The following GDAP2 variants were observed in gnomAD, a reference collection of about 807,000 sequenced individuals.
GDAP2 encodes the protein ganglioside-induced differentiation-associated protein 2.
In GDAP2, 51 loss-of-function variants were observed where a neutral mutation model predicts 67.0. That is an observed-to-expected ratio of 0.76 (90% CI 0.61 to 0.96). The LOEUF (loss-of-function observed/expected upper bound fraction) is 0.96. Ranked by LOEUF, GDAP2 falls within the 40% of genes least tolerant of loss-of-function variation. The pLI is 0.00. For synonymous variants in GDAP2, 203 were observed against 207.3 expected (o/e 0.98, Z 0.18); for missense variants, 547 against 588.3 (o/e 0.93, Z 0.73).
chr1:117,917,338 C>T (rs1417681190), intron 3 of GDAP2, among the ~76,000 whole-genome samples: 2 of 152,144 alleles, frequency 1.3e-5, no homozygotes, highest in African/African-American at 4.8e-5. Flanking sequence ...ATTAAGTATG[C>T]AGCCCTTTAG....
chr1:117,899,887 C>A (rs1303192270), intron 6 of GDAP2, among the ~76,000 whole-genome samples: 1 of 151,950 alleles, frequency 6.6e-6, no homozygotes, highest in Non-Finnish European at 1.5e-5. Context: ...ACAAACTATA[C>A]TAAAAAAGAC....
rs1272776504 is a variant in GDAP2, at chr1:117,869,740, CAAAATCATTCATG to C, written c.*816_*828del. ...AGAGGTAGTAGACCTGATAGCTAAA[CAAAATCATTCATG>C]ACTCTGGAAGACAACACACTCTCTA... On this transcript the variant is annotated 3_prime_UTR_variant, in exon 14 of 14. Transcript: ENST00000369443. 1.3e-5 allele frequency: 2 copies of C among 152,654 alleles called. No individual in the cohort carries two copies. Among genetic ancestry groups the C allele is most frequent in the African/African-American group, 4.8e-5 (2 of 41,458 alleles). 9.5% of individuals were successfully genotyped at this position (152,654 alleles called of 1,614,324 possible).
Position 117,878,038 on chromosome 1 carries a change from G to GAAAGTC in GDAP2, c.1411_1416dup (p.Asp471_Phe472dup), listed in dbSNP as rs1365323502. 1 of 1,612,638 alleles carries GAAAGTC rather than the reference G, an allele frequency of 6.2e-7. No homozygotes were observed. Among genetic ancestry groups the GAAAGTC allele is most frequent in the African/African-American group, 1.3e-5 (1 of 74,872 alleles). ...GCATCATATTCAAGGACAAAAGGAG[G>GAAAGTC]AAAGTCAATCTGTTCTGGTGATATG... On this transcript the variant is annotated inframe_insertion, in exon 13 of 14. Coordinates refer to ENST00000369443, the MANE Select transcript of GDAP2 (RefSeq NM_017686.4).
rs375571762 is a variant in GDAP2, at chr1:117,885,809, T to C, written c.1107+768A>G. Among the ~76,000 whole-genome samples, 41 of 152,304 alleles carry C rather than the reference T, an allele frequency of 2.7e-4. No individual in the cohort carries two copies. In the East Asian group the frequency reaches 3.7e-3, roughly 14 times the overall value. On this transcript the variant is annotated intron_variant, in intron 10 of 13. Transcript: ENST00000369443. ...TACTGATCAGTTAAAGTTATCATCC[T>C]TTGAAGTCAGTTCCTAACAAAACTG... is the stretch of plus-strand genomic sequence containing the variant.
At chr1:117,919,990 G>A (rs1458341809) in intron 2 of GDAP2, among the ~76,000 whole-genome samples, 192 bp downstream of exon 2, 1 of 152,132 alleles carries the variant, frequency 6.6e-6, no homozygotes, top group Non-Finnish European at 1.5e-5. Context: ...CTTCAAGGAT[G>A]TATTAACAGA....
intron 7 of GDAP2, 52 bp from the exon 8 acceptor site, chr1:117,897,041 T>C (rs747134059): frequency 4.6e-6 from 6 of 1,314,304 alleles, no homozygotes; most frequent in Admixed American, 2.2e-5. Context: ...AACTAGATAG[T>C]AAACATTGTG....
At chr1:117,927,968 G>GT (rs1650513413) in intron 1 of GDAP2, among the ~76,000 whole-genome samples, 1 of 152,140 alleles carries the variant, frequency 6.6e-6, no homozygotes, top group Admixed American at 6.5e-5. Flanking sequence ...AAGGAATTTT[G>GT]TAAGATGCAT....
In GDAP2 at chr1:117,865,032, T is replaced by C. The variant is rs763199151; in HGVS notation, c.*5537A>G. 4 of 152,204 alleles carry C rather than the reference T, an allele frequency of 2.6e-5. No individual in the cohort carries two copies. Among genetic ancestry groups the C allele is most frequent in the Non-Finnish European group, 5.9e-5 (4 of 68,032 alleles). 9.4% of individuals were successfully genotyped at this position (152,204 alleles called of 1,614,324 possible). ...AGGAGAATTGATAACACCTAAGAGC[T>C]TGTTAGAAACTGATAATCCCAGAGG... On this transcript the variant is annotated 3_prime_UTR_variant, in exon 14 of 14. Coordinates refer to ENST00000369443, the MANE Select transcript of GDAP2 (RefSeq NM_017686.4).
intron 5 of GDAP2, among the ~76,000 whole-genome samples, chr1:117,908,026 C>A (rs929385839): frequency 3.3e-5 from 5 of 151,950 alleles, no homozygotes; most frequent in African/African-American, 9.7e-5. Flanking sequence ...TCAAAACATA[C>A]CACTTACTTT....
intron 12 of GDAP2, among the ~76,000 whole-genome samples, chr1:117,879,993 C>G (rs1193506178): frequency 6.6e-6 from 1 of 152,084 alleles, no homozygotes; most frequent in African/African-American, 2.4e-5. Context: ...GCCTTGGCAA[C>G]AGGGCAAGAC....
chr1:117,872,086 A>C (rs1042626924), intron 13 of GDAP2, among the ~76,000 whole-genome samples: 2 of 152,240 alleles, frequency 1.3e-5, no homozygotes, highest in Admixed American at 1.3e-4. Context: ...CATATTAAAA[A>C]AACAGCTCAA....
chr1:117,881,205 G>A lies in GDAP2; in HGVS notation c.1302+618C>T, dbSNP rs542550310. On this transcript the variant is annotated intron_variant, in intron 12 of 13. Coordinates refer to ENST00000369443, the MANE Select transcript of GDAP2 (RefSeq NM_017686.4). ...AAATGTCAGTTTTTAGCTTGATAGAGAAGAAAATAAGGGCAAGATGATATT... is the reference window on the plus strand; with the variant it reads ...AAATGTCAGTTTTTAGCTTGATAGAAAAGAAAATAAGGGCAAGATGATATT... Among the ~76,000 whole-genome samples, 5 of 152,192 alleles carry A rather than the reference G, an allele frequency of 3.3e-5. No individual in the cohort carries two copies. The South Asian group carries it at 6.2e-4, about 19-fold the overall frequency.
chr1:117,889,399 A>T (rs1648989083), intron 8 of GDAP2, among the ~76,000 whole-genome samples: 1 of 151,992 alleles, frequency 6.6e-6, no homozygotes, highest in Non-Finnish European at 1.5e-5. Flanking sequence ...CAGTCACCGT[A>T]TTATATAATA....
rs1388469486 is a variant in GDAP2 at position 117,868,396 on chromosome 1, A to G, written c.*2173T>C. 6.6e-6 allele frequency: 1 copy of G among 152,170 alleles called. No homozygotes were observed. The highest frequency in any genetic ancestry group is 1.5e-5 in the Non-Finnish European group (1 of 68,024). The allele number at this position is 152,170 out of a possible 1,614,324, so 9.4% of individuals were successfully genotyped here. ...TATCACCTTTATACCCTAGGACATC[A>G]ATTGTACTAAAATCTCAGCATATGT... On this transcript the variant is annotated 3_prime_UTR_variant, in exon 14 of 14. Transcript: ENST00000369443.
chr1:117,899,867 A>T (rs1259817874), intron 6 of GDAP2, among the ~76,000 whole-genome samples: 2 of 152,138 alleles, frequency 1.3e-5, no homozygotes, highest in Non-Finnish European at 2.9e-5. Context: ...AGAATTACTC[A>T]TCAATTATTA....
chr1:117,908,351 T>C (rs1649730078), intron 5 of GDAP2, among the ~76,000 whole-genome samples: 2 of 152,174 alleles, frequency 1.3e-5, no homozygotes, highest in South Asian at 4.1e-4. Context: ...TAACAATTTA[T>C]GGCTCAGTTA....
intron 1 of GDAP2, among the ~76,000 whole-genome samples, chr1:117,925,374 G>A (rs544054455): frequency 6.6e-6 from 1 of 152,176 alleles, no homozygotes; most frequent in Non-Finnish European, 1.5e-5. Flanking sequence ...GATTGCTTGA[G>A]CCCAGGAGGC....
intron 10 of GDAP2, 74 bp from the exon 11 acceptor site, chr1:117,883,701 C>A: frequency 2.0e-6 from 2 of 1,004,806 alleles, no homozygotes. Flanking sequence ...CAAGAAAAAA[C>A]AAAACAAAAC....
intron 13 of GDAP2, 54 bp downstream of exon 13, chr1:117,877,955 A>G: frequency 1.9e-6 from 3 of 1,603,430 alleles, no homozygotes; most frequent in Non-Finnish European, 2.6e-6. Flanking sequence ...GTGCTGCTCT[A>G]TAGAACAGTT....
Sources: allele counts gnomAD v4.1 joint callset (sites outside exome capture counted in the v4.1 genomes callset), GRCh38; gene constraint gnomAD v4.1.1; transcripts MANE v1.5; gene names NCBI Gene and HGNC (gene_info 2026-07-23, HGNC 2026-07-21).